TPST2: variants seen among roughly 807,000 people sequenced by gnomAD.
TPST2 encodes tyrosylprotein sulfotransferase 2.
A neutral mutation model predicts 27.8 loss-of-function variants in TPST2; 16 were observed. The ratio of observed to expected loss-of-function variants is 0.58; its 90% CI spans 0.39 to 0.88. The LOEUF (loss-of-function observed/expected upper bound fraction) is 0.88. Ranked by LOEUF, TPST2 falls within the 40% of genes least tolerant of loss-of-function variation. TPST2 has a pLI of 0.00. For synonymous variants in TPST2, 229 were observed against 231.7 expected (o/e 0.99, Z 0.10); for missense variants, 464 against 543.1 (o/e 0.85, Z 1.45).
At chr22:26,557,041 A>G (rs1391056326) in intron 1 of TPST2, among the ~76,000 whole-genome samples, 2 of 152,250 alleles carry the variant, frequency 1.3e-5, no homozygotes, top group African/African-American at 2.4e-5. Flanking sequence ...GGCTATCAAC[A>G]TAGCAAGCCC....
In TPST2 at chr22:26,541,078, C is replaced by T. The variant is rs142098416; in HGVS notation, c.553G>A (p.Gly185Ser). ...ATCATGGAGTGCACGGAGGCCCGGCCGTCCCGCACCATCAGCAGGAACTTG... is the reference window on the plus strand; with the variant it reads ...ATCATGGAGTGCACGGAGGCCCGGCTGTCCCGCACCATCAGCAGGAACTTG... ...NSKFLLMVRD[G>S]RASVHSMITR... Residue 185 changes from glycine (G) to serine (S), a missense_variant, in exon 3 of 7, where the codon GGC becomes AGC. By Grantham distance (56) the Gly-to-Ser change is moderately conservative. Transcript: ENST00000338754. This position sits in a 1 kb window ranked among gnomAD's most constrained non-coding sequence, Gnocchi z 5.9. The T allele has an allele frequency of 2.5e-6, 4 of 1,608,592 alleles. No homozygotes were observed. Among genetic ancestry groups the T allele is most frequent in the Non-Finnish European group, 3.4e-6 (4 of 1,175,878 alleles).
At chr22:26,566,221 A>T (rs1015619909) in intron 1 of TPST2, among the ~76,000 whole-genome samples, 9 of 151,936 alleles carry the variant, frequency 5.9e-5, no homozygotes, top group Non-Finnish European at 1.2e-4. Flanking sequence ...GTTAGAGACC[A>T]GCCTGGACAA....
chr22:26,535,109 G>A lies in TPST2; in HGVS notation c.1041+1179C>T, dbSNP rs1388051055. Among the ~76,000 whole-genome samples the A allele has an allele frequency of 3.9e-5, 6 of 152,338 alleles. No homozygotes were observed. The East Asian group carries it at 1.2e-3, about 29-fold the overall frequency. On this transcript the variant is annotated intron_variant, in intron 4 of 6. Coordinates refer to ENST00000338754, the MANE Select transcript of TPST2 (RefSeq NM_003595.5). ...TTCTCTTTGTTAAAGAGAGATCAGTGAGTGCTAGAGAGGTGGTAATGACTT... is the reference window on the plus strand; with the variant it reads ...TTCTCTTTGTTAAAGAGAGATCAGTAAGTGCTAGAGAGGTGGTAATGACTT...
rs1010805260 is a variant in TPST2, at chr22:26,523,481, G to C, written c.*2794C>G. On this transcript the variant is annotated 3_prime_UTR_variant, in exon 7 of 7. Coordinates refer to ENST00000338754, the MANE Select transcript of TPST2 (RefSeq NM_003595.5). ...AAAATCTTTTCAGATCAAATCAGGG[G>C]AGATGAAATGAGAGTGGATTCTGAG... The C allele has an allele frequency of 6.6e-6, 1 of 152,180 alleles. No individual in the cohort carries two copies. The highest frequency in any genetic ancestry group is 6.6e-5 in the Admixed American group (1 of 15,266). The allele number at this position is 152,180 out of a possible 1,614,324, so 9.4% of individuals were successfully genotyped here. A position where few individuals can be genotyped will look rare whatever the true frequency, so the allele number is the denominator to read the frequency against.
At chr22:26,578,126 C>G (rs1569196857) in intron 1 of TPST2, among the ~76,000 whole-genome samples, 1 of 152,106 alleles carries the variant, frequency 6.6e-6, no homozygotes, top group Non-Finnish European at 1.5e-5. Context: ...AACTCCTGAC[C>G]TCAGGTGATC....
At chr22:26,588,148 G>A (rs1928413494) in intron 1 of TPST2, among the ~76,000 whole-genome samples, 1 of 151,014 alleles carries the variant, frequency 6.6e-6, no homozygotes, top group Non-Finnish European at 1.5e-5. Context: ...ATAGAATGTG[G>A]TATATCCACA....
At position 26,542,198 on chromosome 22, in the gene TPST2, C is replaced by T. The variant is rs538807077; in HGVS notation, c.-88-480G>A. ...CAGAGCTTGCAGTGAGCCTAGACTG[C>T]GCCACTGCACTCCAGCGTGGGCGAC... On this transcript the variant is annotated intron_variant, in intron 2 of 6. Coordinates refer to ENST00000338754, the MANE Select transcript of TPST2 (RefSeq NM_003595.5). Among the ~76,000 whole-genome samples the T allele has an allele frequency of 1.1e-4, 17 of 150,218 alleles. No homozygotes were observed. In the East Asian group the frequency reaches 1.4e-3, roughly 12 times the overall value.
intron 1 of TPST2, among the ~76,000 whole-genome samples, chr22:26,580,935 G>C (rs1412706579): frequency 6.6e-6 from 1 of 151,932 alleles, no homozygotes; most frequent in South Asian, 2.1e-4. Flanking sequence ...CTTTGGCATC[G>C]CACTGAGGCT....
chr22:26,551,734 G>A (rs1433395959), intron 1 of TPST2, among the ~76,000 whole-genome samples: 3 of 152,070 alleles, frequency 2.0e-5, no homozygotes, highest in Admixed American at 2.0e-4. Flanking sequence ...TCAATCTTGG[G>A]CAGCTCTCTG....
At position 26,523,992 on chromosome 22, in the gene TPST2, T is replaced by C. The variant is rs60347312; in HGVS notation, c.*2283A>G. The C allele has an allele frequency of 6.6e-6, 1 of 152,116 alleles. No homozygotes were observed. The highest frequency in any genetic ancestry group is 6.6e-5 in the Admixed American group (1 of 15,262). The allele number at this position is 152,116 out of a possible 1,614,324, so 9.4% of individuals were successfully genotyped here. On this transcript the variant is annotated 3_prime_UTR_variant, in exon 7 of 7. Transcript: ENST00000338754. ...CTGGAACCAGACATAAATTTTTTTT[T>C]TGGGGTGTGTGGTGATGGGATACAT... is the stretch of plus-strand genomic sequence containing the variant.
chr22:26,579,576 A>G (rs1356940681), intron 1 of TPST2, among the ~76,000 whole-genome samples: 1 of 152,136 alleles, frequency 6.6e-6, no homozygotes, highest in Non-Finnish European at 1.5e-5. Context: ...ACACCTCCAA[A>G]GGTTTCTGGC....
At chr22:26,590,011 T>C (rs11090449) in intron 1 of TPST2, 42 bp downstream of exon 1, 151,780 of 151,780 alleles carry the variant, frequency 1, 75,890 homozygotes, top group Non-Finnish European at 1. Context: ...GCGCCCCCGG[T>C]TGCAACCCGA....
intron 1 of TPST2, among the ~76,000 whole-genome samples, chr22:26,574,735 A>G (rs909410606): frequency 6.6e-6 from 1 of 152,140 alleles, no homozygotes; most frequent in Non-Finnish European, 1.5e-5. Flanking sequence ...GCAATGAAGG[A>G]GCACTCACCA....
At chr22:26,539,991 A>G (rs1247302718) in intron 3 of TPST2, among the ~76,000 whole-genome samples, 1 of 152,226 alleles carries the variant, frequency 6.6e-6, no homozygotes, top group African/African-American at 2.4e-5. Context: ...AATACTTGCC[A>G]TACAGTAGGC....
intron 1 of TPST2, among the ~76,000 whole-genome samples, chr22:26,545,741 G>A (rs1926081256): frequency 6.6e-6 from 1 of 152,104 alleles, no homozygotes; most frequent in Admixed American, 6.5e-5. Context: ...TCTGTAAACA[G>A]GAGATTTTAA....
intron 1 of TPST2, among the ~76,000 whole-genome samples, chr22:26,553,647 T>G (rs1461635225): frequency 6.6e-6 from 1 of 152,174 alleles, no homozygotes; most frequent in African/African-American, 2.4e-5. Context: ...CATGAGCTAC[T>G]GCACCTGGCT....
Position 26,541,732 on chromosome 22 carries a change from G to T in TPST2, c.-88-14C>A. 6.9e-7 allele frequency: 1 copy of T among 1,452,714 alleles called. No individual in the cohort carries two copies. Among genetic ancestry groups the T allele is most frequent in the Non-Finnish European group, 9.0e-7 (1 of 1,109,178 alleles). 90.0% of individuals were successfully genotyped at this position (1,452,714 alleles called of 1,614,324 possible). On this transcript the variant is annotated splice_polypyrimidine_tract_variant and intron_variant, in intron 2 of 6. Coordinates refer to ENST00000338754, the MANE Select transcript of TPST2 (RefSeq NM_003595.5). This position sits in a 1 kb window ranked among gnomAD's most constrained non-coding sequence, Gnocchi z 5.9. ...CCAGGCTCACATCTGGGGAGAGAGGGGGACATGCATAGTCAGGGAGGTCTG... is the reference window on the plus strand; with the variant it reads ...CCAGGCTCACATCTGGGGAGAGAGGTGGACATGCATAGTCAGGGAGGTCTG...
At chr22:26,535,934 C>T (rs1226633450) in intron 4 of TPST2, 2 of 384,314 alleles carry the variant, frequency 5.2e-6, no homozygotes, top group Non-Finnish European at 1.0e-5. Flanking sequence ...TATTTATACC[C>T]CCTCTCAACA....
chr22:26,576,910 C>T (rs565608422), intron 1 of TPST2, among the ~76,000 whole-genome samples: 1 of 151,618 alleles, frequency 6.6e-6, no homozygotes, highest in African/African-American at 2.4e-5. Flanking sequence ...TCCTGGCTAA[C>T]ACAGTGAAAC....
Sources: allele counts gnomAD v4.1 joint callset (sites outside exome capture counted in the v4.1 genomes callset), GRCh38; gene constraint gnomAD v4.1.1; non-coding constraint Gnocchi (gnomAD v3.1); transcripts MANE v1.5; gene names NCBI Gene and HGNC (gene_info 2026-07-23, HGNC 2026-07-21).